AUTS2: variants seen among roughly 807,000 people sequenced by gnomAD.
The protein encoded by AUTS2 is activator of transcription and developmental regulator AUTS2.
In AUTS2, 17 loss-of-function variants were observed where a neutral mutation model predicts 112.4. The observed-to-expected ratio is 0.15, with a 90% CI of 0.10 to 0.23. The LOEUF (loss-of-function observed/expected upper bound fraction) is 0.23. AUTS2 is among the 10% of genes least tolerant of loss of function. AUTS2 has a pLI of 1.00. For missense variants in AUTS2, 1,510 were observed against 1,701.6 expected (o/e 0.89, Z 1.98); for synonymous variants, 751 against 702.7 (o/e 1.07, Z -1.09).
intron 5 of AUTS2, among the ~76,000 whole-genome samples, chr7:70,601,469 G>C (rs556569612): frequency 1.2e-3 from 189 of 152,192 alleles, no homozygotes; most frequent in Non-Finnish European, 2.3e-3. Context: ...TTACCCACTG[G>C]AAAGTTCTAA....
intron 5 of AUTS2, among the ~76,000 whole-genome samples, chr7:70,643,092 C>G (rs1268650519): frequency 6.6e-6 from 1 of 152,192 alleles, no homozygotes; most frequent in Non-Finnish European, 1.5e-5. Flanking sequence ...ATTCTCAGAT[C>G]ATTTTCAGTG....
intron 6 of AUTS2, among the ~76,000 whole-genome samples, chr7:70,738,582 G>A (rs1012836395): frequency 5.3e-5 from 8 of 152,146 alleles, no homozygotes; most frequent in Non-Finnish European, 1.0e-4. Flanking sequence ...CAGTCCCTCT[G>A]CAGAAGCAGA....
chr7:69,775,140 T>TA (rs1238428751), intron 1 of AUTS2, among the ~76,000 whole-genome samples: 1 of 152,172 alleles, frequency 6.6e-6, no homozygotes, highest in Non-Finnish European at 1.5e-5. Context: ...TGCTGGGTTA[T>TA]AAAAAAACTG....
intron 1 of AUTS2, among the ~76,000 whole-genome samples, chr7:69,723,513 A>G (rs1246301105): frequency 6.6e-6 from 1 of 152,154 alleles, no homozygotes; most frequent in African/African-American, 2.4e-5. Flanking sequence ...TTGTTAGATG[A>G]TGATAATTAC....
chr7:69,826,506 A>C (rs149938409), intron 1 of AUTS2, among the ~76,000 whole-genome samples: 3 of 152,206 alleles, frequency 2.0e-5, no homozygotes, highest in Admixed American at 6.5e-5. Flanking sequence ...TCATAGTTGA[A>C]TCCTTTATTT....
intron 4 of AUTS2, among the ~76,000 whole-genome samples, chr7:70,219,573 C>CT (rs1342047199): frequency 0.025 from 3,416 of 137,828 alleles, 96 homozygotes; most frequent in East Asian, 0.16. Context: ...TTTTCTTTTC[C>CT]TTTTTTTTTT....
intron 4 of AUTS2, among the ~76,000 whole-genome samples, chr7:70,304,758 A>G (rs920988365): frequency 3.7e-5 from 5 of 136,510 alleles, no homozygotes; most frequent in Non-Finnish European, 7.7e-5. Context: ...TCTGGTGAAC[A>G]TTTCCTTAGA....
chr7:70,350,134 G>C (rs1791681513), intron 4 of AUTS2, among the ~76,000 whole-genome samples: 1 of 152,206 alleles, frequency 6.6e-6, no homozygotes, highest in Non-Finnish European at 1.5e-5. Flanking sequence ...TGAGCAGGCT[G>C]TGGCCAAATG....
At chr7:70,617,540 G>A (rs1451613534) in intron 5 of AUTS2, among the ~76,000 whole-genome samples, 5 of 152,098 alleles carry the variant, frequency 3.3e-5, no homozygotes, top group Admixed American at 1.3e-4. Context: ...GCGGGCGCCT[G>A]TAGTCCCAGC....
In AUTS2 at chr7:70,371,831, A is replaced by G. The variant is rs138250362; in HGVS notation, c.661-63921A>G. 1.3e-3 allele frequency among the ~76,000 whole-genome samples: 194 copies of G among 152,300 alleles called. 2 individuals are homozygous for G. Among genetic ancestry groups the G allele is most frequent in the African/African-American group, 4.4e-3 (185 of 41,580 alleles). ...GTTGATTTGAACACGTGCCATTTCT[A>G]TGCAAACCTTGACCTTTGTAATTGA... On this transcript the variant is annotated intron_variant, in intron 4 of 18. Transcript: ENST00000342771.
rs551290061 is a variant in AUTS2 at position 69,823,226 on chromosome 7, G to A, written c.310-76060G>A. ...CATAACTTAGGCGTGATGTGCTGCT[G>A]TATCTGCCTTGCTGCCTTCTCCTGA... On this transcript the variant is annotated intron_variant, in intron 1 of 18. Coordinates refer to ENST00000342771, the MANE Select transcript of AUTS2 (RefSeq NM_015570.4). 1.2e-4 allele frequency among the ~76,000 whole-genome samples: 19 copies of A among 152,328 alleles called. 1 individual carries two copies. In the South Asian group the frequency reaches 3.7e-3, roughly 30 times the overall value.
At chr7:70,158,754 G>A (rs751512852) in intron 4 of AUTS2, among the ~76,000 whole-genome samples, 2 of 151,962 alleles carry the variant, frequency 1.3e-5, no homozygotes, top group Non-Finnish European at 1.5e-5. Flanking sequence ...AAAAAAATGC[G>A]GTTATTAGGA....
intron 2 of AUTS2, among the ~76,000 whole-genome samples, chr7:70,065,704 AT>A (rs1349446854): frequency 2.6e-5 from 4 of 151,850 alleles, no homozygotes; most frequent in Admixed American, 1.3e-4. Flanking sequence ...TCTCAAAAAA[AT>A]ATATATATAT....
chr7:70,042,080 G>A (rs1801273246), intron 2 of AUTS2, among the ~76,000 whole-genome samples: 1 of 152,140 alleles, frequency 6.6e-6, no homozygotes, highest in South Asian at 2.1e-4. Context: ...ATTTCATTGT[G>A]TGTGTTATTG....
intron 1 of AUTS2, among the ~76,000 whole-genome samples, chr7:69,888,982 A>G (rs757007429): frequency 1.3e-5 from 2 of 152,210 alleles, no homozygotes; most frequent in Non-Finnish European, 2.9e-5. Context: ...GGGAAGAGTG[A>G]TGGAGTAGTA....
intron 1 of AUTS2, among the ~76,000 whole-genome samples, chr7:69,677,725 T>TGTGACTCCTCTAGGTTAAATC (rs1796620008): frequency 6.6e-6 from 1 of 152,242 alleles, no homozygotes; most frequent in African/African-American, 2.4e-5. Flanking sequence ...TCACATTGTT[T>TGTGACTCCTCTAGGTTAAATC]ACTCCTCTAG....
At chr7:70,744,603 G>A (rs192335955) in intron 6 of AUTS2, among the ~76,000 whole-genome samples, 83 of 152,292 alleles carry the variant, frequency 5.5e-4, no homozygotes, top group Non-Finnish European at 8.8e-4. Context: ...CTTCAGTGCC[G>A]CCTGGCTGCC....
chr7:69,876,913 T>A (rs1479430303), intron 1 of AUTS2, among the ~76,000 whole-genome samples: 1 of 152,124 alleles, frequency 6.6e-6, no homozygotes, highest in East Asian at 1.9e-4. Context: ...GATGTTTTGT[T>A]GAGTGAAGTC....
intron 5 of AUTS2, among the ~76,000 whole-genome samples, chr7:70,494,378 G>T (rs1377402808): frequency 6.6e-6 from 1 of 151,804 alleles, no homozygotes; most frequent in African/African-American, 2.4e-5. Context: ...GAAAAGCATT[G>T]TTGGCCTAAG....
Sources: allele counts gnomAD v4.1 joint callset (sites outside exome capture counted in the v4.1 genomes callset), GRCh38; gene constraint gnomAD v4.1.1; transcripts MANE v1.5; gene names NCBI Gene and HGNC (gene_info 2026-07-23, HGNC 2026-07-21).